Variants in PLEKHB2 observed in about 807,000 individuals in gnomAD.
PLEKHB2 encodes pleckstrin homology domain-containing family B member 2.
A neutral mutation model predicts 36.5 loss-of-function variants in PLEKHB2; 31 were observed. The ratio of observed to expected loss-of-function variants is 0.85; its 90% CI spans 0.64 to 1.15. PLEKHB2 has a LOEUF of 1.15. Among genes scored for constraint, PLEKHB2 ranks in the 50% most tolerant of loss-of-function variants. PLEKHB2 has a pLI of 0.00. For synonymous variants in PLEKHB2, 119 were observed against 112.0 expected (o/e 1.06, Z -0.39); for missense variants, 262 against 295.3 (o/e 0.89, Z 0.83).
Position 131,125,738 on chromosome 2 carries a change from AT to A in PLEKHB2, c.38-5del, listed in dbSNP as rs749618514. ...CTAAAAAAAAAAAAACAACCGTACTATTTTTTTTTTCCAGGTACTATTTTGA... is the reference window on the plus strand; with the variant it reads ...CTAAAAAAAAAAAAACAACCGTACTATTTTTTTTTCCAGGTACTATTTTGA... On this transcript the variant is annotated splice_polypyrimidine_tract_variant and intron_variant, in intron 2 of 7. Coordinates refer to ENST00000693505, the MANE Select transcript of PLEKHB2 (RefSeq NM_001100623.2). 1,055 of 1,341,986 alleles carry A rather than the reference AT, an allele frequency of 7.9e-4. No homozygotes were observed. Among genetic ancestry groups the A allele is most frequent in the Admixed American group, 9.7e-4 (44 of 45,502 alleles). 83.1% of individuals were successfully genotyped at this position (1,341,986 alleles called of 1,614,324 possible).
chr2:131,144,092 A>T (rs2104984209), intron 7 of PLEKHB2, among the ~76,000 whole-genome samples: 1 of 152,290 alleles, frequency 6.6e-6, no homozygotes. Context: ...GATACACAGC[A>T]GCTTGTGTTG....
intron 6 of PLEKHB2, among the ~76,000 whole-genome samples, chr2:131,137,214 TG>T (rs1293751100): frequency 6.6e-6 from 1 of 152,248 alleles, no homozygotes; most frequent in East Asian, 1.9e-4. Context: ...CCCAGAGTGC[TG>T]GGATTACAGG....
At chr2:131,120,564 G>A (rs1696400025) in intron 1 of PLEKHB2, 1 of 316,268 alleles carries the variant, frequency 3.2e-6, no homozygotes. Flanking sequence ...GGGCCATGTG[G>A]ACCCCACTGG....
At chr2:131,136,819 G>A (rs1005786198) in intron 6 of PLEKHB2, among the ~76,000 whole-genome samples, 1 of 151,716 alleles carries the variant, frequency 6.6e-6, no homozygotes, top group African/African-American at 2.4e-5. Context: ...GAGAAATTGT[G>A]TAGAATTGGC....
At chr2:131,129,345 A>G (rs2104889686) in intron 4 of PLEKHB2, among the ~76,000 whole-genome samples, 1 of 150,794 alleles carries the variant, frequency 6.6e-6, no homozygotes, top group South Asian at 2.1e-4. Context: ...AAAAAAAAAA[A>G]AAAAAAAGAA....
intron 7 of PLEKHB2, among the ~76,000 whole-genome samples, chr2:131,145,568 C>T (rs1305175469): frequency 6.6e-6 from 1 of 152,120 alleles, no homozygotes; most frequent in Non-Finnish European, 1.5e-5. Flanking sequence ...CTTCCGGCCT[C>T]AAGTGATCCA....
chr2:131,111,239 A>G (rs1695286174), intron 1 of PLEKHB2, among the ~76,000 whole-genome samples: 2 of 151,834 alleles, frequency 1.3e-5, no homozygotes, highest in Admixed American at 1.3e-4. Context: ...TCCTGACCCC[A>G]AGTGATCTAC....
In PLEKHB2 at chr2:131,146,945, G is replaced by C. The variant is rs2105002506; in HGVS notation, c.*172G>C. The C allele has an allele frequency of 1.8e-6, 1 of 551,076 alleles. No individual in the cohort carries two copies. Among genetic ancestry groups the C allele is most frequent in the East Asian group, 3.2e-5 (1 of 31,678 alleles). The allele number at this position is 551,076 out of a possible 1,614,324, so 34.1% of individuals were successfully genotyped here. ...ACATAAGTACCACAGAGAAGGGTTT[G>C]AACTGTGCTATTTTGTTCAAATGTT... On this transcript the variant is annotated 3_prime_UTR_variant, in exon 8 of 8. Coordinates refer to ENST00000693505, the MANE Select transcript of PLEKHB2 (RefSeq NM_001100623.2).
At chr2:131,141,277 A>G (rs1465812060) in intron 7 of PLEKHB2, among the ~76,000 whole-genome samples, 2 of 152,188 alleles carry the variant, frequency 1.3e-5, no homozygotes, top group Non-Finnish European at 2.9e-5. Flanking sequence ...CATTCACTCA[A>G]CTAGCACGGA....
chr2:131,113,144 G>A (rs1453024894), intron 1 of PLEKHB2, among the ~76,000 whole-genome samples: 1 of 151,462 alleles, frequency 6.6e-6, no homozygotes, highest in Non-Finnish European at 1.5e-5. Flanking sequence ...ATGTAGTGGT[G>A]TGATCACGGC....
At chr2:131,130,677 A>G (rs771554377) in intron 4 of PLEKHB2, 44 bp from the exon 5 acceptor site, 3 of 1,400,590 alleles carry the variant, frequency 2.1e-6, no homozygotes, top group South Asian at 1.2e-5. Context: ...AATCATTGCA[A>G]TGTTGGATTG....
At chr2:131,123,752 T>C (rs1401943563) in intron 2 of PLEKHB2, among the ~76,000 whole-genome samples, 1 of 132,340 alleles carries the variant, frequency 7.6e-6, no homozygotes. Flanking sequence ...CTTGAACTTC[T>C]GACCTCCTGG....
intron 1 of PLEKHB2, among the ~76,000 whole-genome samples, chr2:131,114,679 C>T (rs576724970): frequency 6.6e-6 from 1 of 152,130 alleles, no homozygotes; most frequent in African/African-American, 2.4e-5. Flanking sequence ...AGGACAGGGA[C>T]AAAATACCAC....
chr2:131,137,047 C>T (rs1326784080), intron 6 of PLEKHB2, among the ~76,000 whole-genome samples: 1 of 150,772 alleles, frequency 6.6e-6, no homozygotes, highest in South Asian at 2.1e-4. Flanking sequence ...CCCGTGTTCA[C>T]GCCATTCTTC....
intron 1 of PLEKHB2, among the ~76,000 whole-genome samples, chr2:131,106,968 C>T (rs1694800103): frequency 6.6e-6 from 1 of 152,176 alleles, no homozygotes; most frequent in Non-Finnish European, 1.5e-5. Flanking sequence ...TTCTCAAGGA[C>T]TGAGTTGATT....
intron 5 of PLEKHB2, 28 bp downstream of exon 5, chr2:131,130,788 ATTTT>A: frequency 8.4e-6 from 11 of 1,307,064 alleles, no homozygotes; most frequent in Admixed American, 2.0e-5. Context: ...ATCACCAATA[ATTTT>A]TTTTTTTTTT....
intron 1 of PLEKHB2, among the ~76,000 whole-genome samples, chr2:131,116,347 C>G (rs183712124): frequency 5.5e-4 from 83 of 152,252 alleles, no homozygotes; most frequent in Middle Eastern, 6.8e-3. Flanking sequence ...AAGGAAACAC[C>G]AGAGAAAACA....
Position 131,115,446 on chromosome 2 carries a change from C to T in PLEKHB2, c.-8-5488C>T, listed in dbSNP as rs187026266. On this transcript the variant is annotated intron_variant, in intron 1 of 7. Coordinates refer to ENST00000693505, the MANE Select transcript of PLEKHB2 (RefSeq NM_001100623.2). ...TTGACTCACTGCAGTCTCCGCCTCCCGGGATCAAGTGATTCTTCTGCCTCA... is the reference window on the plus strand; with the variant it reads ...TTGACTCACTGCAGTCTCCGCCTCCTGGGATCAAGTGATTCTTCTGCCTCA... Among the ~76,000 whole-genome samples the T allele has an allele frequency of 4.3e-4, 63 of 146,216 alleles. No individual in the cohort carries two copies. In the South Asian group the frequency reaches 0.013, roughly 30 times the overall value.
chr2:131,148,780 T>C lies in PLEKHB2; in HGVS notation c.*2007T>C, dbSNP rs527528868. On this transcript the variant is annotated 3_prime_UTR_variant, in exon 8 of 8. Coordinates refer to ENST00000693505, the MANE Select transcript of PLEKHB2 (RefSeq NM_001100623.2). ...AGATGTATGACAACTCTAGTGTCCA[T>C]GGTTTAAAATGTTGCTTTGAGGATT... The C allele has an allele frequency of 2.0e-5, 3 of 152,390 alleles. No individual in the cohort carries two copies. The highest frequency in any genetic ancestry group is 1.9e-4 in the East Asian group (1 of 5,194). The allele number at this position is 152,390 out of a possible 1,614,324, so 9.4% of individuals were successfully genotyped here.
Sources: gnomAD v4.1 joint callset for allele counts (sites outside exome capture counted in the v4.1 genomes callset) on GRCh38, gnomAD v4.1.1 for gene constraint, MANE v1.5 for transcripts, NCBI Gene and HGNC (gene_info 2026-07-23, HGNC 2026-07-21) for gene names.